The following PLCB1 variants were observed in gnomAD, a reference collection of about 807,000 sequenced individuals.
The protein encoded by PLCB1 is phospholipase C beta 1, also known as 1-phosphatidylinositol 4,5-bisphosphate phosphodiesterase beta-1.
A neutral mutation model predicts 161.8 loss-of-function variants in PLCB1; 46 were observed. The ratio of observed to expected loss-of-function variants is 0.28; its 90% CI spans 0.22 to 0.36. The LOEUF is 0.36. Ranked by LOEUF, PLCB1 falls within the 10% of genes least tolerant of loss-of-function variation. PLCB1 has a pLI of 1.00. For synonymous variants in PLCB1, 517 were observed against 503.7 expected (o/e 1.03, Z -0.35); for missense variants, 1,016 against 1,472.5 (o/e 0.69, Z 5.07).
rs1207026406 is a variant in PLCB1, at chr20:8,643,563, C to CA, written c.385-2531dup. ...ATTATCGGTGCCTTAAGTCAGGAAG[C>CA]AAAAAAAAGACAAATCAAACAAAAG... is the stretch of plus-strand genomic sequence containing the variant. On this transcript the variant is annotated intron_variant, in intron 4 of 31. Transcript: ENST00000338037. Among the ~76,000 whole-genome samples the CA allele has an allele frequency of 3.3e-5, 5 of 150,594 alleles. No homozygotes were observed. In the South Asian group the frequency reaches 1.1e-3, roughly 32 times the overall value.
In PLCB1 at chr20:8,333,423, C is replaced by T. The variant is rs189467039; in HGVS notation, c.178-37959C>T. Among the ~76,000 whole-genome samples, 198 of 152,310 alleles carry T rather than the reference C, an allele frequency of 1.3e-3. 2 individuals carry two copies. Among genetic ancestry groups the T allele is most frequent in the South Asian group, 8.3e-4 (4 of 4,830 alleles). ...ATGCTGAGTAAGTCATTGAACTTAG[C>T]AGTGTCTCCTGTTATGTTTTGATAA... On this transcript the variant is annotated intron_variant, in intron 2 of 31. Coordinates refer to ENST00000338037, the MANE Select transcript of PLCB1 (RefSeq NM_015192.4).
rs576577046 is a variant in PLCB1, at chr20:8,317,023, T to C, written c.178-54359T>C. 2.1e-5 allele frequency among the ~76,000 whole-genome samples: 3 copies of C among 143,412 alleles called. No individual in the cohort carries two copies. The Admixed American group carries it at 2.2e-4, about 11-fold the overall frequency. The allele number at this position is 143,412 out of a possible 152,430, so 94.1% of individuals were successfully genotyped here. On this transcript the variant is annotated intron_variant, in intron 2 of 31. Transcript: ENST00000338037. ...TGAAGTTCTTTGGTTTGTTCACCAG[T>C]GGATTTCAAACACATAATAGATGGC...
At chr20:8,857,878 A>G (rs1295886418) in intron 31 of PLCB1, among the ~76,000 whole-genome samples, 1 of 152,258 alleles carries the variant, frequency 6.6e-6, no homozygotes, top group East Asian at 1.9e-4. Flanking sequence ...GTTCCTTCTT[A>G]AGCAAAATGC....
chr20:8,425,402 A>C (rs996001219), intron 3 of PLCB1, among the ~76,000 whole-genome samples: 1 of 152,098 alleles, frequency 6.6e-6, no homozygotes, highest in African/African-American at 2.4e-5. Flanking sequence ...TCCAGGCCCT[A>C]TTCTCCTGCC....
chr20:8,646,908 C>T (rs1323003935), intron 5 of PLCB1, among the ~76,000 whole-genome samples: 1 of 152,172 alleles, frequency 6.6e-6, no homozygotes, highest in Non-Finnish European at 1.5e-5. Flanking sequence ...CAAGTAGAAA[C>T]ATTAATAGGT....
At chr20:8,589,602 A>G (rs915818438) in intron 3 of PLCB1, among the ~76,000 whole-genome samples, 3 of 141,326 alleles carry the variant, frequency 2.1e-5, no homozygotes, top group African/African-American at 7.8e-5. Flanking sequence ...TCTGGGGTCA[A>G]TCTCTCTCTT....
intron 26 of PLCB1, among the ~76,000 whole-genome samples, chr20:8,771,694 C>A (rs1982687175): frequency 6.6e-6 from 1 of 152,000 alleles, no homozygotes. Context: ...ACCAAAAAAT[C>A]CCTTAGTACA....
At chr20:8,854,103 T>C (rs6140770) in intron 31 of PLCB1, among the ~76,000 whole-genome samples, 26,034 of 152,076 alleles carry the variant, frequency 0.17, 2,363 homozygotes, top group South Asian at 0.24. Context: ...ACTTAAACTT[T>C]CCTGGGTAGG....
At chr20:8,643,580 A>C (rs1989024309) in intron 4 of PLCB1, among the ~76,000 whole-genome samples, 1 of 152,160 alleles carries the variant, frequency 6.6e-6, no homozygotes, top group Non-Finnish European at 1.5e-5. Flanking sequence ...AAGACAAATC[A>C]AACAAAAGTA....
intron 2 of PLCB1, among the ~76,000 whole-genome samples, chr20:8,183,770 T>C (rs933559746): frequency 1.3e-5 from 2 of 152,152 alleles, no homozygotes; most frequent in Non-Finnish European, 2.9e-5. Flanking sequence ...TCCACAGGTT[T>C]CCATATGTTT....
Position 8,725,453 on chromosome 20 carries a change from T to C in PLCB1, c.1678+701T>C, listed in dbSNP as rs569199973. On this transcript the variant is annotated intron_variant, in intron 16 of 31. Transcript: ENST00000338037. ...GGGTGTACCCTTAAAAACAGAAATT[T>C]GCCTAAATGTACTAGCTTCTAATCA... is the stretch of plus-strand genomic sequence containing the variant. Among the ~76,000 whole-genome samples the C allele has an allele frequency of 8.5e-5, 13 of 152,252 alleles. No individual in the cohort carries two copies. The South Asian group carries it at 2.7e-3, about 32-fold the overall frequency.
At chr20:8,419,935 A>C (rs1390425141) in intron 3 of PLCB1, among the ~76,000 whole-genome samples, 2 of 152,198 alleles carry the variant, frequency 1.3e-5, no homozygotes, top group African/African-American at 4.8e-5. Flanking sequence ...TTTAGTCCTC[A>C]AATATCTATA....
chr20:8,750,930 ACT>A, intron 23 of PLCB1: 3 of 532,850 alleles, frequency 5.6e-6, no homozygotes, highest in African/African-American at 3.2e-5. Flanking sequence ...AAAGAACTGC[ACT>A]CTTTTTTTTT....
intron 3 of PLCB1, among the ~76,000 whole-genome samples, chr20:8,473,855 C>A (rs965446375): frequency 1.3e-5 from 2 of 152,180 alleles, no homozygotes; most frequent in African/African-American, 4.8e-5. Flanking sequence ...TGATGCAGAA[C>A]CTTAACCCCA....
intron 29 of PLCB1, 74 bp from the exon 30 acceptor site, chr20:8,789,444 T>A: frequency 2.2e-6 from 2 of 929,492 alleles, no homozygotes; most frequent in Non-Finnish European, 3.6e-6. Flanking sequence ...TAACCTTTTA[T>A]CTAGAAGTCT....
At chr20:8,517,266 T>C (rs1042009569) in intron 3 of PLCB1, among the ~76,000 whole-genome samples, 18 of 152,122 alleles carry the variant, frequency 1.2e-4, no homozygotes, top group Admixed American at 8.5e-4. Flanking sequence ...ACAGAATTTA[T>C]TGGAACATAG....
intron 2 of PLCB1, among the ~76,000 whole-genome samples, chr20:8,280,995 A>T (rs1982849976): frequency 6.6e-6 from 1 of 152,232 alleles, no homozygotes; most frequent in Admixed American, 6.5e-5. Context: ...CTCACTGGTT[A>T]TCTTTGGCCT....
chr20:8,488,867 CTT>C (rs1269414385), intron 3 of PLCB1, among the ~76,000 whole-genome samples: 1 of 152,166 alleles, frequency 6.6e-6, no homozygotes, highest in Admixed American at 6.5e-5. Context: ...GATTTAATGA[CTT>C]TATCCTGGAC....
Position 8,512,540 on chromosome 20 carries a change from A to G in PLCB1, c.247-115754A>G, listed in dbSNP as rs569338053. 5.3e-5 allele frequency among the ~76,000 whole-genome samples: 8 copies of G among 152,186 alleles called. No individual in the cohort carries two copies. In the East Asian group the frequency reaches 1.5e-3, roughly 29 times the overall value. Reference sequence around the variant, plus strand: ...GTCAAAATCTCTTTCCTTTTTTTAAACAATAAAAAACATTGTGGCTTTGTT... The same window carrying G: ...GTCAAAATCTCTTTCCTTTTTTTAAGCAATAAAAAACATTGTGGCTTTGTT... On this transcript the variant is annotated intron_variant, in intron 3 of 31. Coordinates refer to ENST00000338037, the MANE Select transcript of PLCB1 (RefSeq NM_015192.4).
Sources: gnomAD v4.1 joint callset for allele counts (sites outside exome capture counted in the v4.1 genomes callset) on GRCh38, gnomAD v4.1.1 for gene constraint, MANE v1.5 for transcripts, NCBI Gene and HGNC (gene_info 2026-07-23, HGNC 2026-07-21) for gene names.